CWH43: variants seen among roughly 807,000 people sequenced by gnomAD.
The protein encoded by CWH43 is PGAP2-interacting protein.
In CWH43, 91 loss-of-function variants were observed where a neutral mutation model predicts 85.7. That is an observed-to-expected ratio of 1.06 (90% CI 0.90 to 1.26). The LOEUF (loss-of-function observed/expected upper bound fraction) is 1.26. CWH43 is among the 50% of genes most tolerant of loss of function. The probability of loss-of-function intolerance (pLI) is 0.00; values close to 1 mark genes in which losing one functional copy is unlikely to be tolerated. For synonymous variants in CWH43, 323 were observed against 293.6 expected (o/e 1.10, Z -1.02); for missense variants, 869 against 839.2 (o/e 1.04, Z -0.44).
intron 6 of CWH43, among the ~76,000 whole-genome samples, chr4:48,999,883 A>G (rs1577659005): frequency 1.3e-5 from 2 of 152,142 alleles, no homozygotes; most frequent in Non-Finnish European, 2.9e-5. Flanking sequence ...TTAGGACCCC[A>G]GAAGTATCAG....
intron 13 of CWH43, among the ~76,000 whole-genome samples, chr4:49,042,411 A>T (rs781148574): frequency 2.0e-5 from 3 of 152,194 alleles, no homozygotes; most frequent in Middle Eastern, 3.2e-3. Flanking sequence ...ATTTATTTTT[A>T]TAGAGAATAC....
At chr4:49,038,838 C>A (rs907799309) in intron 13 of CWH43, among the ~76,000 whole-genome samples, 3 of 151,632 alleles carry the variant, frequency 2.0e-5, no homozygotes, top group Non-Finnish European at 2.9e-5. Flanking sequence ...GCGGGCGGAT[C>A]ACGAGGTCAG....
chr4:48,997,294 A>G (rs1329651381), intron 5 of CWH43, among the ~76,000 whole-genome samples: 4 of 151,734 alleles, frequency 2.6e-5, no homozygotes, highest in Non-Finnish European at 5.9e-5. Context: ...CCTGACCTCA[A>G]ACAATCCTCC....
At chr4:49,042,945 C>A (rs964944396) in intron 13 of CWH43, among the ~76,000 whole-genome samples, 1 of 152,290 alleles carries the variant, frequency 6.6e-6, no homozygotes, top group African/African-American at 2.4e-5. Flanking sequence ...TGCCTGGGTT[C>A]TCCTATGCAG....
chr4:49,027,370 ATGAAGGAATAACATATTTTGGAG>A (rs1783949125), intron 9 of CWH43, among the ~76,000 whole-genome samples: 1 of 152,220 alleles, frequency 6.6e-6, no homozygotes. Flanking sequence ...CCTGAGAAGA[ATGAAGGAATAACATATTTTGGAG>A]TGATGACATC....
At chr4:49,051,190 G>T (rs1784785557) in intron 15 of CWH43, among the ~76,000 whole-genome samples, 1 of 152,128 alleles carries the variant, frequency 6.6e-6, no homozygotes, top group African/African-American at 2.4e-5. Flanking sequence ...TGCTTTTTGT[G>T]TTGTCTCAAT....
chr4:48,999,613 A>T (rs1465393145), intron 6 of CWH43, among the ~76,000 whole-genome samples: 1 of 152,234 alleles, frequency 6.6e-6, no homozygotes, highest in Non-Finnish European at 1.5e-5. Context: ...CAGTGAACCC[A>T]TAAGTAATTC....
In CWH43 at chr4:49,050,869, AG is replaced by A; in HGVS notation, c.2021+21del. 1 of 1,589,990 alleles carries A rather than the reference AG, an allele frequency of 6.3e-7. No homozygotes were observed. Among genetic ancestry groups the A allele is most frequent in the Non-Finnish European group, 8.6e-7 (1 of 1,163,916 alleles). ...TCCCAGGTGAGTTCCTTTATGCTGT[AG>A]TTCCAGTTATGAGCTACTGCATCCC... On this transcript the variant is annotated intron_variant, in intron 15 of 15. Coordinates refer to ENST00000226432, the MANE Select transcript of CWH43 (RefSeq NM_025087.3).
chr4:49,042,788 G>A (rs1424838938), intron 13 of CWH43, among the ~76,000 whole-genome samples: 1 of 152,214 alleles, frequency 6.6e-6, no homozygotes, highest in East Asian at 1.9e-4. Context: ...GATTTCAGAA[G>A]AGGAAAACCT....
intron 5 of CWH43, among the ~76,000 whole-genome samples, chr4:48,997,703 C>T (rs1782855704): frequency 6.6e-6 from 1 of 152,144 alleles, no homozygotes; most frequent in Admixed American, 6.5e-5. Context: ...AAGCAGGTTA[C>T]TTACATACCC....
At chr4:49,049,110 GAATA>G (rs1274781232) in intron 14 of CWH43, among the ~76,000 whole-genome samples, 1 of 152,070 alleles carries the variant, frequency 6.6e-6, no homozygotes, top group African/African-American at 2.4e-5. Context: ...AGAGATTTGG[GAATA>G]AATAACCTAG....
chr4:48,991,000 C>T (rs1416755851), intron 2 of CWH43, among the ~76,000 whole-genome samples: 3 of 152,098 alleles, frequency 2.0e-5, no homozygotes, highest in Non-Finnish European at 2.9e-5. Flanking sequence ...ACCCTGAAAA[C>T]GTTATGCTAA....
At chr4:49,009,139 C>G (rs1005626634) in intron 8 of CWH43, among the ~76,000 whole-genome samples, 1 of 152,148 alleles carries the variant, frequency 6.6e-6, no homozygotes, top group African/African-American at 2.4e-5. Context: ...TTTGTGTCCT[C>G]TTTTATTTCA....
rs771316446 is a variant in CWH43, at chr4:49,057,822, TTATTA to T, written c.2022-3980_2022-3976del. 6.3e-4 allele frequency among the ~76,000 whole-genome samples: 96 copies of T among 152,268 alleles called. 1 individual carries two copies. Among genetic ancestry groups the T allele is most frequent in the Non-Finnish European group, 1.2e-3 (84 of 68,012 alleles). Reference sequence around the variant, plus strand: ...ATGGTGGGTGCACATATATTTATAATTATTATATTATATTGATGAATTGAGCACTT... The same window carrying T: ...ATGGTGGGTGCACATATATTTATAATTATTATATTGATGAATTGAGCACTT... On this transcript the variant is annotated intron_variant, in intron 15 of 15. Transcript: ENST00000226432.
At chr4:49,008,232 G>A (rs1783232285) in intron 8 of CWH43, among the ~76,000 whole-genome samples, 1 of 152,168 alleles carries the variant, frequency 6.6e-6, no homozygotes, top group Admixed American at 6.5e-5. Flanking sequence ...GTGATGATGA[G>A]CATTTTTTCA....
intron 13 of CWH43, 72 bp downstream of exon 13, chr4:49,038,252 A>AT (rs1434397646): frequency 7.5e-7 from 1 of 1,325,116 alleles, no homozygotes; most frequent in East Asian, 2.4e-5. Context: ...TTTTAAAAAA[A>AT]CCAACCTCAC....
intron 9 of CWH43, among the ~76,000 whole-genome samples, chr4:49,019,869 C>T (rs1210375271): frequency 2.6e-5 from 4 of 151,978 alleles, no homozygotes; most frequent in African/African-American, 7.3e-5. Context: ...CGTGAGCCAC[C>T]GCACCTAGCC....
chr4:49,042,773 A>G (rs187257665), intron 13 of CWH43, among the ~76,000 whole-genome samples: 16 of 152,342 alleles, frequency 1.1e-4, no homozygotes, highest in Admixed American at 9.8e-4. Context: ...GAAAGGGAGT[A>G]AGGAGATTTC....
At chr4:49,034,532 C>G (rs1425201525) in intron 12 of CWH43, among the ~76,000 whole-genome samples, 3 of 152,182 alleles carry the variant, frequency 2.0e-5, no homozygotes, top group Non-Finnish European at 4.4e-5. Context: ...TTAAAGCTCT[C>G]TGGATAACAC....
Sources: gnomAD v4.1 joint callset for allele counts (sites outside exome capture counted in the v4.1 genomes callset) on GRCh38, gnomAD v4.1.1 for gene constraint, MANE v1.5 for transcripts, NCBI Gene and HGNC (gene_info 2026-07-23, HGNC 2026-07-21) for gene names.